DRC8: variants seen among roughly 807,000 people sequenced by gnomAD.
DRC8 encodes the protein dynein regulatory complex protein 8.
At chr1:245,034,600 C>CAAAAAAAAAAAAAAAAAAAA in the DRC8 span, among the ~76,000 whole-genome samples, 4 of 39,500 alleles carry the variant, frequency 1.0e-4, no homozygotes, top group African/African-American at 2.2e-4. Flanking sequence ...GACTCCATCT[C>CAAAAAAAAAAAAAAAAAAAA]AAAAAAAAAA....
the DRC8 span, chr1:245,087,794 A>G: frequency 1.5e-3 from 1,399 of 931,378 alleles, 14 homozygotes; most frequent in African/African-American, 0.023. Flanking sequence ...TGCTTCATCA[A>G]TCTGAGTGTG....
chr1:245,104,293 T>C, the DRC8 span, among the ~76,000 whole-genome samples: 11 of 152,010 alleles, frequency 7.2e-5, no homozygotes, highest in African/African-American at 2.2e-4. Context: ...CACCTGAGGT[T>C]AGGAGTTTGA....
At chr1:244,980,335 C>G in the DRC8 span, among the ~76,000 whole-genome samples, 125,260 of 151,948 alleles carry the variant, frequency 0.82, 51,758 homozygotes, top group East Asian at 1. Context: ...TCCAGCGTGG[C>G]TGACAGAATG....
the DRC8 span, among the ~76,000 whole-genome samples, chr1:245,115,815 G>A: frequency 3.9e-5 from 6 of 152,160 alleles, no homozygotes; most frequent in Middle Eastern, 3.4e-3. Flanking sequence ...GCCTGGTGCC[G>A]TGGCTCGGCA....
At chr1:245,030,165 T>C in the DRC8 span, among the ~76,000 whole-genome samples, 4 of 152,216 alleles carry the variant, frequency 2.6e-5, no homozygotes, top group African/African-American at 9.6e-5. Context: ...GTAGTTTCTT[T>C]ATTAGCTTTG....
At chr1:244,977,989 G>C in the DRC8 span, among the ~76,000 whole-genome samples, 2 of 151,884 alleles carry the variant, frequency 1.3e-5, no homozygotes, top group East Asian at 1.9e-4. Flanking sequence ...GACTTTTAGG[G>C]GCACTTATTT....
At chr1:245,121,090 G>A in the DRC8 span, among the ~76,000 whole-genome samples, 4 of 152,266 alleles carry the variant, frequency 2.6e-5, no homozygotes, top group African/African-American at 9.6e-5. Flanking sequence ...TGAAACCTTT[G>A]TATATTTTTA....
At chr1:245,048,329 A>T in the DRC8 span, among the ~76,000 whole-genome samples, 1 of 152,330 alleles carries the variant, frequency 6.6e-6, no homozygotes, top group Non-Finnish European at 1.5e-5. Context: ...TGTAACTAAT[A>T]TATTTTGTTA....
chr1:244,990,446 T>C, the DRC8 span, among the ~76,000 whole-genome samples: 1 of 152,320 alleles, frequency 6.6e-6, no homozygotes, highest in African/African-American at 2.4e-5. Flanking sequence ...TTGGGACTTA[T>C]CCCTCGTGGA....
At chr1:245,076,013 G>A in the DRC8 span, among the ~76,000 whole-genome samples, 33 of 152,328 alleles carry the variant, frequency 2.2e-4, no homozygotes, top group Middle Eastern at 3.4e-3. Flanking sequence ...AGCGGGGAGG[G>A]AGAAGGTGTT....
the DRC8 span, chr1:245,083,396 T>G: frequency 6.5e-7 from 1 of 1,544,750 alleles, no homozygotes; most frequent in South Asian, 1.1e-5. Flanking sequence ...ATGTAAAGAC[T>G]GCGGTAAATA....
the DRC8 span, among the ~76,000 whole-genome samples, chr1:245,046,287 G>A: frequency 1.1e-3 from 168 of 151,800 alleles, no homozygotes; most frequent in African/African-American, 3.8e-3. Context: ...ACTTATTTCA[G>A]TGTTTTTACA....
chr1:245,092,036 C>T, the DRC8 span, among the ~76,000 whole-genome samples: 1 of 152,154 alleles, frequency 6.6e-6, no homozygotes, highest in African/African-American at 2.4e-5. Context: ...GGGGAAGGTG[C>T]ATGACTCAGG....
chr1:245,104,920 G>A, the DRC8 span, among the ~76,000 whole-genome samples: 4 of 152,222 alleles, frequency 2.6e-5, no homozygotes, highest in East Asian at 1.9e-4. Flanking sequence ...TGGTTGATGC[G>A]TATCTAAATC....
chr1:245,017,515 T>C, the DRC8 span, among the ~76,000 whole-genome samples: 1 of 152,068 alleles, frequency 6.6e-6, no homozygotes, highest in Admixed American at 6.6e-5. Context: ...TTATTCTTCA[T>C]ACTCTGGTAG....
chr1:244,999,133 G>C, the DRC8 span, among the ~76,000 whole-genome samples: 2 of 149,680 alleles, frequency 1.3e-5, no homozygotes, highest in African/African-American at 2.5e-5. Flanking sequence ...GGAGAAAAAG[G>C]AGGAAGTGGA....
the DRC8 span, among the ~76,000 whole-genome samples, chr1:245,006,808 C>T: frequency 6.6e-6 from 1 of 152,016 alleles, no homozygotes; most frequent in African/African-American, 2.4e-5. Flanking sequence ...GTGGCACAGG[C>T]CTGCAGTCCT....
chr1:245,011,417 A>G, the DRC8 span, among the ~76,000 whole-genome samples: 2 of 152,256 alleles, frequency 1.3e-5, no homozygotes, highest in African/African-American at 4.8e-5. Flanking sequence ...AAGGTAATGA[A>G]GCAGCACAGT....
At chr1:245,019,212 A>T in the DRC8 span, among the ~76,000 whole-genome samples, 1 of 152,190 alleles carries the variant, frequency 6.6e-6, no homozygotes, top group Non-Finnish European at 1.5e-5. Context: ...TTAATTAAAG[A>T]TGGTTACTAA....
Sources: allele counts gnomAD v4.1 joint callset (sites outside exome capture counted in the v4.1 genomes callset), GRCh38; gene constraint gnomAD v4.1.1; transcripts MANE v1.5; gene names NCBI Gene and HGNC (gene_info 2026-07-23, HGNC 2026-07-21).